TEX11: variants seen among roughly 807,000 people sequenced by gnomAD.
TEX11 encodes the protein testis expressed 11.
A neutral mutation model predicts 84.4 loss-of-function variants in TEX11; 7 were observed. The ratio of observed to expected loss-of-function variants is 0.08; its 90% CI spans 0.05 to 0.16. The LOEUF (loss-of-function observed/expected upper bound fraction) is 0.16, where lower values mean the gene tolerates loss of function less well. Ranked by LOEUF, TEX11 falls within the 10% of genes least tolerant of loss-of-function variation. The probability of loss-of-function intolerance (pLI) is 1.00; values close to 1 mark genes in which losing one functional copy is unlikely to be tolerated. For missense variants in TEX11, 551 were observed against 660.5 expected, an observed-to-expected ratio of 0.83 and a Z score of 1.82; for synonymous variants, 264 against 222.8, an observed-to-expected ratio of 1.18 and a Z score of -1.64.
chrX:70,815,922 AT>A (rs1004341744), intron 8 of TEX11, among the ~76,000 whole-genome samples: 2 of 112,078 alleles, frequency 1.8e-5, no homozygotes, highest in African/African-American at 6.5e-5. Context: ...ATTTTATTTA[AT>A]TTTTTTAACT....
chrX:70,674,523 A>G (rs767543650), intron 15 of TEX11, among the ~76,000 whole-genome samples: 17 of 112,259 alleles, frequency 1.5e-4, no homozygotes, highest in South Asian at 3.7e-4. Context: ...CCAACAGTAT[A>G]TAAGTGTTCC....
At chrX:70,550,858 G>A (rs1000408895) in intron 28 of TEX11, among the ~76,000 whole-genome samples, 3 of 111,291 alleles carry the variant, frequency 2.7e-5, no homozygotes. Flanking sequence ...CTCAAAATAC[G>A]AAAAATTGAG....
chrX:70,903,853 C>T (rs893799504), intron 2 of TEX11, among the ~76,000 whole-genome samples: 2 of 108,268 alleles, frequency 1.8e-5, no homozygotes, highest in Non-Finnish European at 3.8e-5. Flanking sequence ...TTTTTTAAGA[C>T]AGGATCTCAC....
At chrX:70,757,769 C>T (rs1229174171) in intron 9 of TEX11, among the ~76,000 whole-genome samples, 1 of 111,589 alleles carries the variant, frequency 9.0e-6, no homozygotes, top group African/African-American at 3.3e-5. Flanking sequence ...TCACTCATAA[C>T]AATATGAACC....
At chrX:70,798,825 T>C (rs774766358) in intron 9 of TEX11, among the ~76,000 whole-genome samples, 5 of 111,676 alleles carry the variant, frequency 4.5e-5, no homozygotes, top group Non-Finnish European at 9.4e-5. Flanking sequence ...TCTCCCACCT[T>C]ATGCAAAAAA....
chrX:70,557,684 A>G (rs1431294758), intron 25 of TEX11, among the ~76,000 whole-genome samples: 1 of 111,832 alleles, frequency 8.9e-6, no homozygotes, highest in African/African-American at 3.2e-5. Flanking sequence ...AAAATTATCT[A>G]TAGATTCAAC....
the TEX11 span, among the ~76,000 whole-genome samples, chrX:70,514,041 A>C: frequency 2.2e-4 from 24 of 109,272 alleles, no homozygotes; most frequent in Non-Finnish European, 3.1e-4. Flanking sequence ...AATTGCCATT[A>C]TCCAACTGTT....
intron 11 of TEX11, among the ~76,000 whole-genome samples, chrX:70,727,031 T>A (rs1236987895): frequency 2.7e-5 from 3 of 111,163 alleles, no homozygotes; most frequent in East Asian, 5.6e-4. Flanking sequence ...CTGATTTTTT[T>A]CTTTTCACCA....
chrX:70,714,640 G>T (rs1261469611), intron 13 of TEX11, among the ~76,000 whole-genome samples: 4 of 111,297 alleles, frequency 3.6e-5, no homozygotes, highest in African/African-American at 1.3e-4. Flanking sequence ...TTTTCCATTT[G>T]CTTGGTAGAT....
chrX:70,639,608 A>AT (rs2089624325), intron 17 of TEX11, among the ~76,000 whole-genome samples: 1 of 111,251 alleles, frequency 9.0e-6, no homozygotes, highest in African/African-American at 3.3e-5. Context: ...TGGCTCCCTG[A>AT]CCCCTGACCC....
At chrX:70,590,574 T>G (rs934478391) in intron 25 of TEX11, among the ~76,000 whole-genome samples, 1 of 111,753 alleles carries the variant, frequency 8.9e-6, no homozygotes, top group Non-Finnish European at 1.9e-5. Flanking sequence ...GAATATCCAT[T>G]GATTTTAACA....
chrX:70,629,373 C>G (rs960702311), intron 18 of TEX11, among the ~76,000 whole-genome samples: 8 of 111,729 alleles, frequency 7.2e-5, no homozygotes, highest in African/African-American at 2.6e-4. Flanking sequence ...TGTTTTGCTA[C>G]GTTTATTTTT....
intron 11 of TEX11, among the ~76,000 whole-genome samples, chrX:70,739,413 CTTT>C (rs35219972): frequency 6.7e-5 from 5 of 75,138 alleles, no homozygotes; most frequent in Admixed American, 1.5e-4. Flanking sequence ...TATTTCATTT[CTTT>C]TTTTTTTTTT....
At chrX:70,657,753 G>T (rs1247636804) in intron 16 of TEX11, among the ~76,000 whole-genome samples, 5 of 108,580 alleles carry the variant, frequency 4.6e-5, no homozygotes, top group Admixed American at 2.0e-4. Flanking sequence ...CCATAAAAAA[G>T]GATGAGTTCA....
intron 3 of TEX11, among the ~76,000 whole-genome samples, chrX:70,876,391 A>G (rs192404887): frequency 9.8e-5 from 11 of 111,751 alleles, no homozygotes; most frequent in Admixed American, 2.9e-4. Context: ...ATTTTCTCAT[A>G]TTGTGTTAGA....
At chrX:70,791,895 G>A (rs936742575) in intron 9 of TEX11, among the ~76,000 whole-genome samples, 2 of 110,937 alleles carry the variant, frequency 1.8e-5, no homozygotes, top group Non-Finnish European at 3.8e-5. Flanking sequence ...GGAGGCCGAG[G>A]CGGGTGGATC....
intron 20 of TEX11, among the ~76,000 whole-genome samples, chrX:70,613,392 G>C (rs1438136433): frequency 1.8e-5 from 2 of 111,558 alleles, no homozygotes; most frequent in Non-Finnish European, 3.8e-5. Context: ...GAGAAAGAGA[G>C]AGAGAGTGCA....
At chrX:70,617,890 T>C (rs1222389967) in intron 20 of TEX11, among the ~76,000 whole-genome samples, 1 of 112,120 alleles carries the variant, frequency 8.9e-6, no homozygotes, top group Non-Finnish European at 1.9e-5. Flanking sequence ...GGACTGACTT[T>C]GGAAATGCAT....
intron 16 of TEX11, among the ~76,000 whole-genome samples, chrX:70,651,942 C>T (rs1316449065): frequency 9.0e-6 from 1 of 111,334 alleles, no homozygotes; most frequent in Non-Finnish European, 1.9e-5. Flanking sequence ...TAAGCATTTG[C>T]AAATGTAAGC....
Sources: gnomAD v4.1 joint callset for allele counts (sites outside exome capture counted in the v4.1 genomes callset) on GRCh38, gnomAD v4.1.1 for gene constraint, MANE v1.5 for transcripts, NCBI Gene and HGNC (gene_info 2026-07-23, HGNC 2026-07-21) for gene names.